The following CCSER1 variants were observed in gnomAD, a reference collection of about 807,000 sequenced individuals.
The protein encoded by CCSER1 is serine-rich coiled-coil domain-containing protein 1.
Under a neutral mutation model 82.0 loss-of-function variants are expected in CCSER1, and 41 were observed. The observed-to-expected ratio is 0.50, with a 90% CI of 0.39 to 0.65. The LOEUF is 0.65. Among genes scored for constraint, CCSER1 ranks in the 30% least tolerant of loss-of-function variants. CCSER1 has a pLI of 0.00. For synonymous variants in CCSER1, 414 were observed against 383.9 expected (o/e 1.08, Z -0.92); for missense variants, 1,119 against 1,064.2 (o/e 1.05, Z -0.72).
intron 5 of CCSER1, among the ~76,000 whole-genome samples, chr4:90,574,770 T>G (rs910435939): frequency 6.6e-6 from 1 of 152,000 alleles, no homozygotes; most frequent in East Asian, 1.9e-4. Flanking sequence ...TTTTGGTGTT[T>G]TTTTTGTGTT....
At chr4:90,759,331 AG>A (rs748792823) in intron 7 of CCSER1, among the ~76,000 whole-genome samples, 2 of 152,174 alleles carry the variant, frequency 1.3e-5, no homozygotes, top group Non-Finnish European at 2.9e-5. Context: ...CCAAATGGAG[AG>A]GATAACTAGA....
intron 5 of CCSER1, among the ~76,000 whole-genome samples, chr4:90,584,013 A>G (rs187374943): frequency 2.6e-5 from 4 of 152,186 alleles, no homozygotes; most frequent in East Asian, 1.9e-4. Flanking sequence ...TATTAATTCA[A>G]ATGTCACGGT....
chr4:90,625,496 AG>A (rs1203570072), intron 5 of CCSER1, among the ~76,000 whole-genome samples: 1 of 152,184 alleles, frequency 6.6e-6, no homozygotes, highest in Non-Finnish European at 1.5e-5. Flanking sequence ...AACCTAATTA[AG>A]AATGGTTTTG....
intron 1 of CCSER1, among the ~76,000 whole-genome samples, chr4:90,290,341 C>T (rs1449772904): frequency 2.0e-5 from 3 of 151,702 alleles, no homozygotes; most frequent in Non-Finnish European, 4.4e-5. Flanking sequence ...ATACTATATG[C>T]TAGGAAATAT....
intron 10 of CCSER1, among the ~76,000 whole-genome samples, chr4:91,247,226 C>T (rs1353731137): frequency 4.0e-5 from 6 of 150,354 alleles, no homozygotes; most frequent in South Asian, 2.1e-4. Flanking sequence ...GGCATGAACC[C>T]GGGAGGCGGA....
At chr4:91,494,300 T>C (rs1483993689) in intron 10 of CCSER1, among the ~76,000 whole-genome samples, 1 of 151,788 alleles carries the variant, frequency 6.6e-6, no homozygotes, top group East Asian at 1.9e-4. Flanking sequence ...CCCAGGAGAA[T>C]AGCAAAATCA....
intron 8 of CCSER1, among the ~76,000 whole-genome samples, chr4:90,836,985 A>C (rs1761882169): frequency 6.6e-6 from 1 of 152,200 alleles, no homozygotes; most frequent in Non-Finnish European, 1.5e-5. Flanking sequence ...TACCACTAAT[A>C]ATAAAAATAA....
intron 10 of CCSER1, among the ~76,000 whole-genome samples, chr4:91,259,495 G>T (rs532276783): frequency 1.4e-4 from 21 of 152,052 alleles, no homozygotes; most frequent in African/African-American, 4.6e-4. Context: ...AGAACATGCA[G>T]GTTTGTTACA....
chr4:90,978,387 T>C (rs1450810865), intron 9 of CCSER1, among the ~76,000 whole-genome samples: 2 of 151,698 alleles, frequency 1.3e-5, no homozygotes, highest in Non-Finnish European at 2.9e-5. Context: ...AACAATGGTT[T>C]GCAGTAGGGA....
intron 8 of CCSER1, among the ~76,000 whole-genome samples, chr4:90,898,367 C>CT (rs1250932855): frequency 2.2e-5 from 3 of 137,900 alleles, no homozygotes; most frequent in Non-Finnish European, 3.1e-5. Flanking sequence ...ACTGCAAACT[C>CT]TAAGTTTCCA....
At chr4:90,383,673 G>A (rs1238472532) in intron 3 of CCSER1, among the ~76,000 whole-genome samples, 1 of 151,762 alleles carries the variant, frequency 6.6e-6, no homozygotes, top group Non-Finnish European at 1.5e-5. Flanking sequence ...TTTAAGTCTT[G>A]GTTCAGCCAC....
intron 10 of CCSER1, among the ~76,000 whole-genome samples, chr4:91,562,615 T>C (rs1762706534): frequency 6.6e-6 from 1 of 151,548 alleles, no homozygotes; most frequent in Non-Finnish European, 1.5e-5. Flanking sequence ...ACTTAGACTC[T>C]ATATGCTGAT....
chr4:91,162,537 T>A (rs1443571263), intron 10 of CCSER1, among the ~76,000 whole-genome samples: 1 of 152,184 alleles, frequency 6.6e-6, no homozygotes, highest in Non-Finnish European at 1.5e-5. Context: ...CTGGTAGAAT[T>A]TGGCTGTGAA....
intron 1 of CCSER1, among the ~76,000 whole-genome samples, chr4:90,219,913 A>G (rs911682231): frequency 2.0e-5 from 3 of 152,174 alleles, no homozygotes; most frequent in Admixed American, 2.0e-4. Flanking sequence ...GATAAGTAAA[A>G]TATTATTAAG....
chr4:91,217,714 G>T (rs1737365915), intron 10 of CCSER1, among the ~76,000 whole-genome samples: 1 of 151,662 alleles, frequency 6.6e-6, no homozygotes, highest in Non-Finnish European at 1.5e-5. Context: ...GTGCCGATTG[G>T]TGTATTTACA....
intron 7 of CCSER1, among the ~76,000 whole-genome samples, chr4:90,767,699 C>T (rs552592191): frequency 2.7e-4 from 41 of 151,830 alleles, no homozygotes; most frequent in Non-Finnish European, 4.9e-4. Context: ...TAAAGGGTCT[C>T]GTTCTCGCTC....
chr4:90,850,958 T>C (rs975209085), intron 8 of CCSER1, among the ~76,000 whole-genome samples: 1 of 152,052 alleles, frequency 6.6e-6, no homozygotes, highest in Non-Finnish European at 1.5e-5. Context: ...TAGAACCAGG[T>C]GGAGATAATT....
intron 1 of CCSER1, among the ~76,000 whole-genome samples, chr4:90,169,375 G>C (rs1455097437): frequency 6.6e-6 from 1 of 151,992 alleles, no homozygotes; most frequent in Non-Finnish European, 1.5e-5. Flanking sequence ...GGAGATTTTG[G>C]GCTGAGACGA....
intron 10 of CCSER1, among the ~76,000 whole-genome samples, chr4:91,437,088 T>G (rs1025115927): frequency 6.6e-6 from 1 of 152,224 alleles, no homozygotes; most frequent in Non-Finnish European, 1.5e-5. Context: ...GAAGAGGCCA[T>G]GCTTAGTGTC....
Sources: gnomAD v4.1 joint callset for allele counts (sites outside exome capture counted in the v4.1 genomes callset) on GRCh38, gnomAD v4.1.1 for gene constraint, MANE v1.5 for transcripts, NCBI Gene and HGNC (gene_info 2026-07-23, HGNC 2026-07-21) for gene names.